The following CCNB3 variants were observed in gnomAD, a reference collection of about 807,000 sequenced individuals.
CCNB3 encodes G2/mitotic-specific cyclin-B3.
Under a neutral mutation model 68.0 loss-of-function variants are expected in CCNB3, and 12 were observed. That is an observed-to-expected ratio of 0.18 (90% CI 0.11 to 0.29). The LOEUF (loss-of-function observed/expected upper bound fraction) is 0.29. CCNB3 is among the 10% of genes least tolerant of loss of function. The pLI, the probability that CCNB3 is intolerant of heterozygous loss-of-function variation, is 1.00. For synonymous variants in CCNB3, 354 were observed against 388.9 expected (o/e 0.91, Z 1.06); for missense variants, 904 against 993.1 (o/e 0.91, Z 1.21).
intron 1 of CCNB3, among the ~76,000 whole-genome samples, chrX:50,280,248 A>G (rs1177267470): frequency 1.1e-5 from 1 of 94,587 alleles, no homozygotes; most frequent in Non-Finnish European, 2.1e-5. Context: ...GAATATAGAT[A>G]TAAATATCTA....
At chrX:50,227,391 T>A (rs952986997) in intron 1 of CCNB3, among the ~76,000 whole-genome samples, 6 of 86,575 alleles carry the variant, frequency 6.9e-5, no homozygotes, top group East Asian at 3.3e-4. Flanking sequence ...TATACATAGA[T>A]ATATATAAAA....
At position 50,227,997 on chromosome X, in the gene CCNB3, T is replaced by TAGAGAATATATATAAATATATAG. The variant is rs1935941311; in HGVS notation, c.-113+23062_-113+23084dup. On this transcript the variant is annotated intron_variant, in intron 1 of 12. Transcript: ENST00000376042. ...TAGAGAGAATATATATAAATATATA[T>TAGAGAATATATATAAATATATAG]AGAGAATATATATAAATATATAGAG... Among the ~76,000 whole-genome samples the TAGAGAATATATATAAATATATAG allele has an allele frequency of 6.1e-4, 49 of 80,467 alleles. No homozygotes were observed. The East Asian group carries it at 0.011, about 19-fold the overall frequency. 69.9% of individuals were successfully genotyped at this position (80,467 alleles called of 115,157 possible).
chrX:50,226,780 A>C (rs1935837247), intron 1 of CCNB3, among the ~76,000 whole-genome samples: 1 of 80,761 alleles, frequency 1.2e-5, no homozygotes, highest in Non-Finnish European at 2.2e-5. Context: ...GAATATATAT[A>C]TGAATATGTA....
intron 5 of CCNB3, among the ~76,000 whole-genome samples, chrX:50,299,524 C>T (rs1279355300): frequency 1.8e-5 from 2 of 111,042 alleles, no homozygotes; most frequent in Non-Finnish European, 1.9e-5. Flanking sequence ...CTGTTCTTTA[C>T]CATTTGCTGA....
At chrX:50,282,337 G>T (rs1396335658) in intron 1 of CCNB3, among the ~76,000 whole-genome samples, 2 of 111,263 alleles carry the variant, frequency 1.8e-5, no homozygotes, top group Non-Finnish European at 3.8e-5. Flanking sequence ...ACAATGCTGT[G>T]TTCTCTCCCC....
chrX:50,329,903 T>C (rs1922507927), intron 8 of CCNB3, among the ~76,000 whole-genome samples: 1 of 112,116 alleles, frequency 8.9e-6, no homozygotes, highest in Non-Finnish European at 1.9e-5. Flanking sequence ...GCAGGCCCCA[T>C]CTTGAACACT....
At chrX:50,332,779 T>C (rs1201682786) in intron 8 of CCNB3, among the ~76,000 whole-genome samples, 1 of 111,744 alleles carries the variant, frequency 8.9e-6, no homozygotes, top group Non-Finnish European at 1.9e-5. Context: ...CGTGGTCACC[T>C]GGAGAGAAAG....
At chrX:50,335,731 CT>C (rs1465924348) in intron 8 of CCNB3, among the ~76,000 whole-genome samples, 2 of 111,351 alleles carry the variant, frequency 1.8e-5, no homozygotes, top group Non-Finnish European at 3.8e-5. Flanking sequence ...CAGAAAAAGT[CT>C]CCATTCTTTT....
intron 8 of CCNB3, among the ~76,000 whole-genome samples, chrX:50,338,076 CACTG>C: frequency 8.9e-6 from 1 of 112,068 alleles, no homozygotes; most frequent in Non-Finnish European, 1.9e-5. Context: ...ACCTGCCATG[CACTG>C]CTCTGGTGAG....
intron 8 of CCNB3, among the ~76,000 whole-genome samples, chrX:50,324,105 C>G (rs1017489848): frequency 8.9e-6 from 1 of 112,365 alleles, no homozygotes; most frequent in Non-Finnish European, 1.9e-5. Context: ...CTTGGCTCAC[C>G]GCAATCTCGG....
chrX:50,287,885 C>T (rs1230862914), intron 3 of CCNB3, among the ~76,000 whole-genome samples: 1 of 110,421 alleles, frequency 9.1e-6, no homozygotes, highest in African/African-American at 3.3e-5. Context: ...CACTCCCCAT[C>T]GCTCATATTA....
chrX:50,297,352 A>G lies in CCNB3; in HGVS notation c.335+2359A>G, dbSNP rs1275425536. The stretch of plus-strand genomic sequence containing the variant: ...CAGTTTCAGCTTTCTACATATGGCT[A>G]GCCAGTTTTCCCAGCACCATTTATT... On this transcript the variant is annotated intron_variant, in intron 5 of 12. Transcript: ENST00000376042. 4.8e-3 allele frequency among the ~76,000 whole-genome samples: 539 copies of G among 111,806 alleles called. 5 individuals carry two copies. Among genetic ancestry groups the G allele is most frequent in the South Asian group, 0.046 (121 of 2,644 alleles).
At chrX:50,339,347 T>C (rs1403477666) in intron 8 of CCNB3, among the ~76,000 whole-genome samples, 3 of 112,309 alleles carry the variant, frequency 2.7e-5, no homozygotes, top group Non-Finnish European at 5.6e-5. Context: ...AATCGTTGCA[T>C]TCTTTCGAGT....
intron 8 of CCNB3, among the ~76,000 whole-genome samples, chrX:50,328,540 A>G (rs1557217628): frequency 4.5e-5 from 5 of 111,366 alleles, no homozygotes; most frequent in Admixed American, 3.8e-4. Flanking sequence ...CATGACCCAA[A>G]CACCTCCCAC....
At chrX:50,314,467 G>T (rs1921625592) in intron 8 of CCNB3, among the ~76,000 whole-genome samples, 1 of 111,916 alleles carries the variant, frequency 8.9e-6, no homozygotes, top group South Asian at 3.7e-4. Flanking sequence ...ATAGTAGGGG[G>T]TCAGTAAGTA....
intron 1 of CCNB3, among the ~76,000 whole-genome samples, chrX:50,206,259 A>G (rs1429586554): frequency 1.8e-5 from 2 of 109,095 alleles, no homozygotes; most frequent in Non-Finnish European, 3.8e-5. Flanking sequence ...ATAAATAAAT[A>G]AATAAATAAA....
At chrX:50,325,174 T>C (rs1557217137) in intron 8 of CCNB3, among the ~76,000 whole-genome samples, 2 of 111,674 alleles carry the variant, frequency 1.8e-5, no homozygotes, top group African/African-American at 3.2e-5. Flanking sequence ...AAGAGCAGTA[T>C]GGTAACTACC....
intron 12 of CCNB3, 104 bp downstream of exon 12, chrX:50,351,475 A>C (rs1923677030): frequency 9.3e-7 from 1 of 1,073,561 alleles, no homozygotes; most frequent in South Asian, 2.0e-5. Flanking sequence ...AGATTCAGGC[A>C]CTTTTCACCT....
At chrX:50,296,374 C>T (rs782118909) in intron 5 of CCNB3, among the ~76,000 whole-genome samples, 18 of 71,577 alleles carry the variant, frequency 2.5e-4, no homozygotes, top group South Asian at 1.9e-3. Context: ...TGAGAACATG[C>T]GGTGTTTGGT....
Sources: gnomAD v4.1 joint callset for allele counts (sites outside exome capture counted in the v4.1 genomes callset) on GRCh38, gnomAD v4.1.1 for gene constraint, MANE v1.5 for transcripts, NCBI Gene and HGNC (gene_info 2026-07-23, HGNC 2026-07-21) for gene names.